ZMAT4: variants seen among roughly 807,000 people sequenced by gnomAD.
ZMAT4 encodes the protein zinc finger matrin-type 4, also known as zinc finger matrin-type protein 4.
ZMAT4 carries 17 observed loss-of-function variants against 28.7 expected under a neutral mutation model. That is an observed-to-expected ratio of 0.59 (90% confidence interval 0.41 to 0.89). ZMAT4 has a LOEUF of 0.89. ZMAT4 is among the 40% of genes least tolerant of loss of function. The pLI is 0.00. For missense variants in ZMAT4, 240 were observed against 283.8 expected, an observed-to-expected ratio of 0.85 and a Z score of 1.11; for synonymous variants, 117 against 109.2, an observed-to-expected ratio of 1.07 and a Z score of -0.44.
At chr8:40,551,564 G>A (rs527500537) in intron 6 of ZMAT4, among the ~76,000 whole-genome samples, 1 of 152,286 alleles carries the variant, frequency 6.6e-6, no homozygotes, top group African/African-American at 2.4e-5. Flanking sequence ...TTGTGTTGGG[G>A]AAGATTCAAC....
intron 5 of ZMAT4, among the ~76,000 whole-genome samples, chr8:40,601,472 A>AGGAAGAAAG (rs1563360004): frequency 3.6e-5 from 3 of 83,882 alleles, no homozygotes; most frequent in African/African-American, 1.1e-4. Context: ...AAGAAAGGAA[A>AGGAAGAAAG]GAAAGAAAGA....
intron 3 of ZMAT4, among the ~76,000 whole-genome samples, chr8:40,746,262 TC>T (rs1812217439): frequency 1.8e-5 from 2 of 111,952 alleles, no homozygotes; most frequent in African/African-American, 7.0e-5. Flanking sequence ...CCTCCCTCCC[TC>T]CCTTCCTTCC....
At chr8:40,630,111 C>A (rs537844698) in intron 5 of ZMAT4, among the ~76,000 whole-genome samples, 1 of 152,180 alleles carries the variant, frequency 6.6e-6, no homozygotes, top group Non-Finnish European at 1.5e-5. Context: ...GTTCCTCTAC[C>A]TGAAATGTCC....
intron 5 of ZMAT4, among the ~76,000 whole-genome samples, chr8:40,609,837 G>A (rs1805730827): frequency 6.6e-6 from 1 of 151,974 alleles, no homozygotes; most frequent in African/African-American, 2.4e-5. Context: ...TTTCTTTTGA[G>A]GAGATACTCT....
intron 6 of ZMAT4, among the ~76,000 whole-genome samples, chr8:40,575,161 C>T (rs921300411): frequency 2.6e-5 from 4 of 152,108 alleles, no homozygotes; most frequent in Non-Finnish European, 5.9e-5. Context: ...GAAGTCAACC[C>T]CAGGCTGTCC....
At chr8:40,548,261 C>T (rs986340316) in intron 6 of ZMAT4, among the ~76,000 whole-genome samples, 1 of 151,490 alleles carries the variant, frequency 6.6e-6, no homozygotes, top group Non-Finnish European at 1.5e-5. Flanking sequence ...GTGGTTTGAT[C>T]ATTAAAGATT....
At chr8:40,601,477 G>GAAAGAAAGAAAGAAA (rs796133978) in intron 5 of ZMAT4, among the ~76,000 whole-genome samples, 1,113 of 91,630 alleles carry the variant, frequency 0.012, 129 homozygotes, top group South Asian at 0.027. Context: ...AGGAAAGAAA[G>GAAAGAAAGAAAGAAA]AAAGAAAGAA....
intron 3 of ZMAT4, among the ~76,000 whole-genome samples, chr8:40,743,790 C>T (rs1812111329): frequency 6.6e-6 from 1 of 151,814 alleles, no homozygotes; most frequent in African/African-American, 2.4e-5. Context: ...GCGGCCGATT[C>T]TGGAGCCACA....
intron 4 of ZMAT4, among the ~76,000 whole-genome samples, chr8:40,689,172 TA>T (rs1809550663): frequency 6.6e-6 from 1 of 152,188 alleles, no homozygotes; most frequent in South Asian, 2.1e-4. Context: ...AACAGATGAT[TA>T]AAATACACTT....
chr8:40,890,690 A>G lies in ZMAT4; in HGVS notation c.-5+6993T>C, dbSNP rs377695772. 2.5e-4 allele frequency among the ~76,000 whole-genome samples: 38 copies of G among 152,154 alleles called. 1 individual carries two copies. Among genetic ancestry groups the G allele is most frequent in the African/African-American group, 8.4e-4 (35 of 41,506 alleles). On this transcript the variant is annotated intron_variant, in intron 1 of 6. Coordinates refer to ENST00000297737, the MANE Select transcript of ZMAT4 (RefSeq NM_024645.3). ...CTGCCTGACAGTTTTCTGCTCCTTC[A>G]TGTGGCAGTGGCCCCTCCCTCCCTA...
At chr8:40,859,837 T>C (rs1456531963) in intron 1 of ZMAT4, among the ~76,000 whole-genome samples, 1 of 152,076 alleles carries the variant, frequency 6.6e-6, no homozygotes, top group Non-Finnish European at 1.5e-5. Flanking sequence ...GTTCCTGTTT[T>C]GGTGTAATGA....
intron 1 of ZMAT4, among the ~76,000 whole-genome samples, chr8:40,841,094 T>C (rs547728159): frequency 6.6e-6 from 1 of 152,296 alleles, no homozygotes; most frequent in African/African-American, 2.4e-5. Context: ...CACAGGCTAC[T>C]TAGTCCTATA....
At chr8:40,603,600 C>T (rs1291719439) in intron 5 of ZMAT4, among the ~76,000 whole-genome samples, 2 of 152,164 alleles carry the variant, frequency 1.3e-5, no homozygotes, top group South Asian at 2.1e-4. Context: ...TCTATAATTT[C>T]TTTCAGCAGT....
At chr8:40,626,627 T>C (rs1265263303) in intron 5 of ZMAT4, among the ~76,000 whole-genome samples, 1 of 152,186 alleles carries the variant, frequency 6.6e-6, no homozygotes, top group African/African-American at 2.4e-5. Flanking sequence ...AGGAATCTTT[T>C]TGTGATATCC....
At chr8:40,820,312 G>A (rs1226594072) in intron 2 of ZMAT4, among the ~76,000 whole-genome samples, 1 of 149,496 alleles carries the variant, frequency 6.7e-6, no homozygotes, top group East Asian at 2.0e-4. Flanking sequence ...GCGGGTGTGG[G>A]TCTTTATGTG....
chr8:40,840,196 G>C lies in ZMAT4; in HGVS notation c.-4-14516C>G, dbSNP rs186855171. On this transcript the variant is annotated intron_variant, in intron 1 of 6. Coordinates refer to ENST00000297737, the MANE Select transcript of ZMAT4 (RefSeq NM_024645.3). ...TTCAGCAGCCTGTCCCTTCAGGAACGGCTTGCTTCAGAGAGCCATGCCCCC... is the reference window on the plus strand; with the variant it reads ...TTCAGCAGCCTGTCCCTTCAGGAACCGCTTGCTTCAGAGAGCCATGCCCCC... 3.0e-3 allele frequency among the ~76,000 whole-genome samples: 463 copies of C among 152,264 alleles called. 4 individuals are homozygous for C. The highest frequency in any genetic ancestry group is 0.01 in the African/African-American group (433 of 41,546).
At chr8:40,606,962 C>T (rs1278037438) in intron 5 of ZMAT4, among the ~76,000 whole-genome samples, 2 of 152,014 alleles carry the variant, frequency 1.3e-5, no homozygotes, top group Non-Finnish European at 2.9e-5. Context: ...TGTCTTCAAG[C>T]TCAGAAGTTC....
chr8:40,710,859 C>A (rs1810584375), intron 3 of ZMAT4, among the ~76,000 whole-genome samples: 1 of 151,924 alleles, frequency 6.6e-6, no homozygotes, highest in Non-Finnish European at 1.5e-5. Context: ...CGGCTCACTG[C>A]AACCTCCACC....
At chr8:40,544,995 T>C (rs1455280181) in intron 6 of ZMAT4, among the ~76,000 whole-genome samples, 2 of 152,158 alleles carry the variant, frequency 1.3e-5, no homozygotes, top group African/African-American at 4.8e-5. Context: ...TAAAATACTG[T>C]GTTTTCCATC....
Sources: gnomAD v4.1 joint callset for allele counts (sites outside exome capture counted in the v4.1 genomes callset) on GRCh38, gnomAD v4.1.1 for gene constraint, MANE v1.5 for transcripts, NCBI Gene and HGNC (gene_info 2026-07-23, HGNC 2026-07-21) for gene names.